Variants in ADCY2 observed in about 807,000 individuals in gnomAD.
The protein encoded by ADCY2 is adenylate cyclase type 2.
Under a neutral mutation model 125.2 loss-of-function variants are expected in ADCY2, and 31 were observed. The ratio of observed to expected loss-of-function variants is 0.25; its 90% CI spans 0.19 to 0.33. The LOEUF is 0.33. ADCY2 is among the 10% of genes least tolerant of loss of function. The pLI, the probability that ADCY2 is intolerant of heterozygous loss-of-function variation, is 1.00. For missense variants in ADCY2, 904 were observed against 1,418.2 expected (o/e 0.64, Z 5.82); for synonymous variants, 512 against 548.4 (o/e 0.93, Z 0.93).
At chr5:7,427,504 G>A (rs868622851) in intron 2 of ADCY2, among the ~76,000 whole-genome samples, 1 of 152,220 alleles carries the variant, frequency 6.6e-6, no homozygotes, top group South Asian at 2.1e-4. Flanking sequence ...CACTATCAGA[G>A]AACAGCATGG....
chr5:7,786,027 A>T (rs1744074066), intron 19 of ADCY2, among the ~76,000 whole-genome samples: 2 of 152,242 alleles, frequency 1.3e-5, no homozygotes, highest in Non-Finnish European at 2.9e-5. Flanking sequence ...TACCAGTCTC[A>T]TAGGGAGTCA....
chr5:7,659,162 G>A (rs1036510956), intron 4 of ADCY2, among the ~76,000 whole-genome samples: 2 of 152,242 alleles, frequency 1.3e-5, no homozygotes, highest in Non-Finnish European at 2.9e-5. Flanking sequence ...AACGAGAAAT[G>A]CTGCTGGCTA....
At chr5:7,530,535 A>G (rs771402526) in intron 3 of ADCY2, among the ~76,000 whole-genome samples, 15 of 152,082 alleles carry the variant, frequency 9.9e-5, no homozygotes, top group Non-Finnish European at 1.5e-5. Context: ...GATTGTAGGT[A>G]TGACCCACTG....
At chr5:7,740,955 A>T (rs1294403234) in intron 14 of ADCY2, among the ~76,000 whole-genome samples, 1 of 152,054 alleles carries the variant, frequency 6.6e-6, no homozygotes, top group Non-Finnish European at 1.5e-5. Context: ...GAAACTAATT[A>T]ATATAGAAAG....
chr5:7,645,483 G>A (rs1738863201), intron 4 of ADCY2, among the ~76,000 whole-genome samples: 1 of 152,172 alleles, frequency 6.6e-6, no homozygotes, highest in Non-Finnish European at 1.5e-5. Flanking sequence ...TAAGATTAAA[G>A]GACATTCAAC....
chr5:7,642,631 A>G (rs1738749047), intron 4 of ADCY2, among the ~76,000 whole-genome samples: 2 of 152,034 alleles, frequency 1.3e-5, no homozygotes, highest in Non-Finnish European at 2.9e-5. Flanking sequence ...TCCAGATACT[A>G]TACAAAATGA....
chr5:7,426,017 C>A (rs1185101517), intron 2 of ADCY2, among the ~76,000 whole-genome samples: 3 of 152,124 alleles, frequency 2.0e-5, no homozygotes, highest in African/African-American at 7.2e-5. Flanking sequence ...AACCCCCAGG[C>A]GAGAAACAAG....
intron 18 of ADCY2, among the ~76,000 whole-genome samples, chr5:7,778,445 C>T (rs796528894): frequency 1.4e-4 from 22 of 152,342 alleles, no homozygotes; most frequent in African/African-American, 5.0e-4. Flanking sequence ...TGTGCTGGAA[C>T]TTTAGCCCAG....
At chr5:7,568,684 C>T (rs565036931) in intron 3 of ADCY2, among the ~76,000 whole-genome samples, 183 of 152,254 alleles carry the variant, frequency 1.2e-3, no homozygotes, top group African/African-American at 4.2e-3. Context: ...AGATAAAATA[C>T]GGCACTTTAG....
intron 24 of ADCY2, 87 bp from the exon 25 acceptor site, chr5:7,826,632 G>A (rs749480509): frequency 3.2e-6 from 5 of 1,565,924 alleles, no homozygotes; most frequent in Non-Finnish European, 3.5e-6. Flanking sequence ...AGAGCATGGT[G>A]CTTTTTTTAG....
intron 22 of ADCY2, among the ~76,000 whole-genome samples, chr5:7,811,703 C>T (rs772835762): frequency 1.1e-4 from 16 of 152,100 alleles, no homozygotes; most frequent in Non-Finnish European, 1.3e-4. Flanking sequence ...GCTCCACTGG[C>T]TCTTGCTGAA....
At chr5:7,422,854 C>A (rs1326601653) in intron 2 of ADCY2, among the ~76,000 whole-genome samples, 1 of 152,150 alleles carries the variant, frequency 6.6e-6, no homozygotes, top group Non-Finnish European at 1.5e-5. Context: ...CCTCTCTTAG[C>A]CTTTGAACTG....
At chr5:7,578,543 TATG>T (rs933341322) in intron 3 of ADCY2, among the ~76,000 whole-genome samples, 1 of 152,154 alleles carries the variant, frequency 6.6e-6, no homozygotes, top group Non-Finnish European at 1.5e-5. Flanking sequence ...ATTTTGTTGT[TATG>T]GTGGTGGTTT....
At chr5:7,399,174 A>T (rs139709612) in intron 1 of ADCY2, among the ~76,000 whole-genome samples, 46 of 152,272 alleles carry the variant, frequency 3.0e-4, no homozygotes, top group African/African-American at 1.1e-3. Flanking sequence ...TCTTGGACAG[A>T]TTCCTTTTTT....
At chr5:7,787,208 A>G (rs1167751794) in intron 19 of ADCY2, among the ~76,000 whole-genome samples, 2 of 152,142 alleles carry the variant, frequency 1.3e-5, no homozygotes, top group East Asian at 3.9e-4. Flanking sequence ...TCCCCTGCAC[A>G]CAGAATCCTC....
At chr5:7,825,769 G>A (rs1745456960) in intron 24 of ADCY2, among the ~76,000 whole-genome samples, 1 of 152,180 alleles carries the variant, frequency 6.6e-6, no homozygotes, top group South Asian at 2.1e-4. Context: ...CCACACTCAG[G>A]CAGCCCAAGC....
intron 2 of ADCY2, among the ~76,000 whole-genome samples, chr5:7,425,591 A>C (rs1740357413): frequency 6.6e-6 from 1 of 152,236 alleles, no homozygotes; most frequent in African/African-American, 2.4e-5. Flanking sequence ...TTCCTGTGAA[A>C]AGTTGCTAAG....
intron 14 of ADCY2, among the ~76,000 whole-genome samples, chr5:7,735,870 G>A (rs992428451): frequency 6.6e-6 from 1 of 152,078 alleles, no homozygotes; most frequent in Non-Finnish European, 1.5e-5. Flanking sequence ...CCATTTTATG[G>A]AATAGTTTGT....
intron 2 of ADCY2, among the ~76,000 whole-genome samples, chr5:7,469,912 A>C (rs1024654025): frequency 6.6e-6 from 1 of 151,222 alleles, no homozygotes; most frequent in African/African-American, 2.4e-5. Context: ...TGTTTTCTAT[A>C]TGTACTTTCT....
Sources: gnomAD v4.1 joint callset for allele counts (sites outside exome capture counted in the v4.1 genomes callset) on GRCh38, gnomAD v4.1.1 for gene constraint, MANE v1.5 for transcripts, NCBI Gene and HGNC (gene_info 2026-07-23, HGNC 2026-07-21) for gene names.